Variants in CCDC97 observed in about 807,000 individuals in gnomAD.
CCDC97 encodes coiled-coil domain containing 97.
Under a neutral mutation model 33.9 loss-of-function variants are expected in CCDC97, and 27 were observed. The observed-to-expected ratio is 0.80, with a 90% CI of 0.59 to 1.10. The LOEUF (loss-of-function observed/expected upper bound fraction) is 1.10. Among genes scored for constraint, CCDC97 ranks in the 50% least tolerant of loss-of-function variants. The probability of loss-of-function intolerance (pLI) is 0.00; values close to 1 mark genes in which losing one functional copy is unlikely to be tolerated. For synonymous variants in CCDC97, 217 were observed against 194.0 expected (o/e 1.12, Z -0.99); for missense variants, 422 against 476.6 (o/e 0.89, Z 1.07).
In CCDC97 at chr19:41,316,461, G is replaced by A. The variant is rs756558548; in HGVS notation, c.124G>A (p.Glu42Lys). Reference sequence around the variant, plus strand: ...CCCATCTAAACCCCAGGACAAAGTGGAAGCAGCTGAGGCAACACCAGTGGC... The same window carrying A: ...CCCATCTAAACCCCAGGACAAAGTGAAAGCAGCTGAGGCAACACCAGTGGC... ...PVPSKPQDKVEAAEATPVALD... is the reference protein window; with the variant it reads ...PVPSKPQDKVKAAEATPVALD... The change falls in exon 2 of 5, where the codon GAA (glutamate) becomes AAA (lysine). Residue 42 changes from glutamate to lysine, a missense_variant. By Grantham distance (56) the Glu-to-Lys change is moderately conservative. Coordinates refer to ENST00000269967, the MANE Select transcript of CCDC97 (RefSeq NM_052848.3). The A allele has an allele frequency of 6.2e-7, 1 of 1,614,222 alleles. No individual in the cohort carries two copies. Among genetic ancestry groups the A allele is most frequent in the African/African-American group, 1.3e-5 (1 of 75,062 alleles).
intron 3 of CCDC97, among the ~76,000 whole-genome samples, 200 bp from the exon 4 acceptor site, chr19:41,320,139 TAC>T (rs575800276): frequency 1.6e-4 from 25 of 152,276 alleles, no homozygotes; most frequent in South Asian, 6.2e-4. Context: ...GACCCGAGGA[TAC>T]AGTCTCCAGA....
chr19:41,311,460 C>T (rs2037683117), intron 1 of CCDC97, among the ~76,000 whole-genome samples: 1 of 151,948 alleles, frequency 6.6e-6, no homozygotes, highest in African/African-American at 2.4e-5. Context: ...AGGCCGGGCC[C>T]GGTGGCTTAC....
In CCDC97 at chr19:41,322,995, C is replaced by A. The variant is rs947099714; in HGVS notation, c.*280C>A. 21 of 267,078 alleles carry A rather than the reference C, an allele frequency of 7.9e-5. No individual in the cohort carries two copies. The East Asian group carries it at 1.9e-3, about 24-fold the overall frequency. 16.5% of individuals were successfully genotyped at this position (267,078 alleles called of 1,614,324 possible). ...CTCTTTCTGTCTTTCTGTCTCTCTC[C>A]CTACCCCCGCTCCCTCTTTCCAGTG... On this transcript the variant is annotated 3_prime_UTR_variant, in exon 5 of 5. Coordinates refer to ENST00000269967, the MANE Select transcript of CCDC97 (RefSeq NM_052848.3).
In CCDC97 at chr19:41,310,199, A is replaced by T; in HGVS notation, c.-112A>T. On this transcript the variant is annotated 5_prime_UTR_variant, in exon 1 of 5. Coordinates refer to ENST00000269967, the MANE Select transcript of CCDC97 (RefSeq NM_052848.3). ...GCCCGGAACTTCGGTGCCTGGGCGC[A>T]GCGGTGCACCCGGACCCGGAACATT... is the stretch of plus-strand genomic sequence containing the variant. The T allele has an allele frequency of 6.9e-7, 1 of 1,456,080 alleles. No homozygotes were observed. The highest frequency in any genetic ancestry group is 9.4e-7 in the Non-Finnish European group (1 of 1,065,654). The allele number at this position is 1,456,080 out of a possible 1,614,324, so 90.2% of individuals were successfully genotyped here.
chr19:41,310,728 C>T, intron 1 of CCDC97: 1 of 1,085,442 alleles, frequency 9.2e-7, no homozygotes, highest in Non-Finnish European at 1.1e-6. Flanking sequence ...GCTGAGCCTT[C>T]CCTTGCTCTC....
At chr19:41,319,265 G>A (rs576574598) in intron 2 of CCDC97, among the ~76,000 whole-genome samples, 8 of 152,324 alleles carry the variant, frequency 5.3e-5, no homozygotes, top group East Asian at 3.9e-4. Flanking sequence ...GTGCCTGCAC[G>A]AGTAATCACA....
At chr19:41,319,550 C>T (rs761095483) in intron 2 of CCDC97, 24 bp from the exon 3 acceptor site, 4 of 1,545,376 alleles carry the variant, frequency 2.6e-6, no homozygotes, top group East Asian at 2.3e-5. Context: ...CACCCCATGC[C>T]CACCCTGTCT....
At position 41,316,728 on chromosome 19, in the gene CCDC97, C is replaced by A. The variant is rs551538141; in HGVS notation, c.391C>A (p.Arg131Ser). Residue 131 changes from arginine (R) to serine (S), a missense_variant, in exon 2 of 5, where the codon CGT becomes AGT. By Grantham distance (110) the Arg-to-Ser change is moderately radical. Transcript: ENST00000269967. ...CTTTGGCCACGTGCGTGGCGACCAC[C>A]GTGCAGACTTCTACTGTGCTGAGGT... ...ACFGHVRGDH[R>S]ADFYCAEVAR... The A allele has an allele frequency of 1.8e-5, 29 of 1,613,566 alleles. No homozygotes were observed. The Middle Eastern group carries it at 6.6e-4, about 37-fold the overall frequency.
At chr19:41,312,369 G>A (rs2037695822) in intron 1 of CCDC97, among the ~76,000 whole-genome samples, 1 of 152,192 alleles carries the variant, frequency 6.6e-6, no homozygotes, top group Non-Finnish European at 1.5e-5. Context: ...ACAGGTGTGA[G>A]CCACCACACT....
At position 41,324,000 on chromosome 19, in the gene CCDC97, T is replaced by A. The variant is rs1466993353; in HGVS notation, c.*1285T>A. The A allele has an allele frequency of 6.6e-6, 1 of 151,572 alleles. No homozygotes were observed. The highest frequency in any genetic ancestry group is 1.5e-5 in the Non-Finnish European group (1 of 68,158). The allele number at this position is 151,572 out of a possible 1,614,324, so 9.4% of individuals were successfully genotyped here. On this transcript the variant is annotated 3_prime_UTR_variant, in exon 5 of 5. Coordinates refer to ENST00000269967, the MANE Select transcript of CCDC97 (RefSeq NM_052848.3). Reference sequence around the variant, plus strand: ...TCGGGGCCTAGGGACTCCTCATGCCTCTGAGATGGAATGGTGGTATCCTGC... The same window carrying A: ...TCGGGGCCTAGGGACTCCTCATGCCACTGAGATGGAATGGTGGTATCCTGC...
chr19:41,319,555 C>G lies in CCDC97; in HGVS notation c.503-19C>G. ...CTCAGTCGCTCACCCCATGCCCACC[C>G]TGTCTCTCCTCTGTGCAGGGGGCGA... On this transcript the variant is annotated intron_variant, in intron 2 of 4. Coordinates refer to ENST00000269967, the MANE Select transcript of CCDC97 (RefSeq NM_052848.3). The G allele has an allele frequency of 1.3e-6, 2 of 1,559,152 alleles. No homozygotes were observed. Among genetic ancestry groups the G allele is most frequent in the Non-Finnish European group, 1.7e-6 (2 of 1,143,608 alleles).
chr19:41,320,002 C>T, intron 3 of CCDC97, 150 bp downstream of exon 3: 1 of 606,628 alleles, frequency 1.6e-6, no homozygotes, highest in Non-Finnish European at 2.9e-6. Context: ...TGTGTATGCC[C>T]TTCCAACCGC....
At chr19:41,312,767 C>A (rs1259299493) in intron 1 of CCDC97, among the ~76,000 whole-genome samples, 1 of 152,112 alleles carries the variant, frequency 6.6e-6, no homozygotes, top group Non-Finnish European at 1.5e-5. Flanking sequence ...TCACTCCAAT[C>A]TCTGCTTCCC....
At chr19:41,319,286 C>T (rs73045269) in intron 2 of CCDC97, among the ~76,000 whole-genome samples, 17,179 of 152,274 alleles carry the variant, frequency 0.11, 1,274 homozygotes, top group Non-Finnish European at 0.15. Context: ...TGCACATGAC[C>T]TCAGGTGCCT....
Position 41,320,557 on chromosome 19 carries a change from G to T in CCDC97, c.911+87G>T. On this transcript the variant is annotated intron_variant, in intron 4 of 4. Coordinates refer to ENST00000269967, the MANE Select transcript of CCDC97 (RefSeq NM_052848.3). ...GCAGAGCCCTTAACAAGCTGTGGGG[G>T]TCTCCCTTTGTGGAGCTACAAGGCC... is the stretch of plus-strand genomic sequence containing the variant. 2.6e-6 allele frequency: 4 copies of T among 1,545,506 alleles called. No individual in the cohort carries two copies. In the Middle Eastern group the frequency reaches 5.1e-4, roughly 199 times the overall value.
At chr19:41,311,978 G>A (rs915272275) in intron 1 of CCDC97, among the ~76,000 whole-genome samples, 10 of 152,202 alleles carry the variant, frequency 6.6e-5, no homozygotes, top group East Asian at 1.9e-4. Flanking sequence ...TCATTTCCTC[G>A]TCTCCTGCTC....
intron 1 of CCDC97, among the ~76,000 whole-genome samples, chr19:41,315,296 C>CAAAAAAA (rs71177714): frequency 1.7e-4 from 7 of 41,724 alleles, no homozygotes; most frequent in East Asian, 7.5e-4. Flanking sequence ...GACTCCGTCT[C>CAAAAAAA]AAAAAAAAAA....
intron 4 of CCDC97, among the ~76,000 whole-genome samples, chr19:41,321,782 A>G (rs2037827010): frequency 2.0e-5 from 3 of 152,216 alleles, no homozygotes; most frequent in South Asian, 4.1e-4. Flanking sequence ...GGGCTGGAGC[A>G]GTCGCAAGGG....
chr19:41,314,819 G>A (rs2037726057), intron 1 of CCDC97, among the ~76,000 whole-genome samples: 1 of 151,980 alleles, frequency 6.6e-6, no homozygotes. Context: ...GGGCAACACA[G>A]CAAGACCCTG....
Sources: gnomAD v4.1 joint callset for allele counts (sites outside exome capture counted in the v4.1 genomes callset) on GRCh38, gnomAD v4.1.1 for gene constraint, MANE v1.5 for transcripts, NCBI Gene and HGNC (gene_info 2026-07-23, HGNC 2026-07-21) for gene names.